CNBD1: variants seen among roughly 807,000 people sequenced by gnomAD.
CNBD1 encodes cyclic nucleotide-binding domain-containing protein 1.
CNBD1 carries 71 observed loss-of-function variants against 54.4 expected under a neutral mutation model. The ratio of observed to expected loss-of-function variants is 1.30; its 90% CI spans 1.08 to 1.59. The LOEUF (loss-of-function observed/expected upper bound fraction) is 1.59, where lower values mean the gene tolerates loss of function less well. Among genes scored for constraint, CNBD1 ranks in the 40% most tolerant of loss-of-function variants. The pLI, the probability that CNBD1 is intolerant of heterozygous loss-of-function variation, is 0.00. For synonymous variants in CNBD1, 182 were observed against 170.7 expected, an observed-to-expected ratio of 1.07 and a Z score of -0.51; for missense variants, 659 against 518.0, an observed-to-expected ratio of 1.27 and a Z score of -2.64.
intron 4 of CNBD1, among the ~76,000 whole-genome samples, chr8:86,999,345 C>A (rs1217405193): frequency 6.6e-6 from 1 of 152,128 alleles, no homozygotes; most frequent in African/African-American, 2.4e-5. Flanking sequence ...TCTTCTAGGG[C>A]TTCTGTGGGT....
chr8:87,115,764 C>G (rs1524840), intron 4 of CNBD1, among the ~76,000 whole-genome samples: 1 of 152,104 alleles, frequency 6.6e-6, no homozygotes, highest in Non-Finnish European at 1.5e-5. Context: ...TTCTGTACCT[C>G]GTATCTCTCG....
intron 10 of CNBD1, among the ~76,000 whole-genome samples, chr8:87,369,838 T>A (rs1460383733): frequency 1.3e-5 from 2 of 152,162 alleles, no homozygotes; most frequent in African/African-American, 4.8e-5. Flanking sequence ...AACTAGTCAT[T>A]TAGCATTAGG....
chr8:87,246,982 C>A (rs567714924), intron 6 of CNBD1, among the ~76,000 whole-genome samples: 3 of 152,008 alleles, frequency 2.0e-5, no homozygotes, highest in South Asian at 2.1e-4. Context: ...ACAGTGACAC[C>A]CGAATTATGT....
chr8:87,091,084 G>T (rs1011542742), intron 4 of CNBD1, among the ~76,000 whole-genome samples: 1 of 148,306 alleles, frequency 6.7e-6, no homozygotes, highest in African/African-American at 2.5e-5. Context: ...AGGTTGCAGT[G>T]AGGTGAGGTA....
At chr8:87,372,660 C>G (rs1810837485) in intron 10 of CNBD1, among the ~76,000 whole-genome samples, 1 of 151,634 alleles carries the variant, frequency 6.6e-6, no homozygotes, top group Non-Finnish European at 1.5e-5. Context: ...CTTTATTTGT[C>G]CACAAATAAG....
chr8:87,263,757 A>G (rs948449205), intron 6 of CNBD1, among the ~76,000 whole-genome samples: 1 of 152,154 alleles, frequency 6.6e-6, no homozygotes, highest in African/African-American at 2.4e-5. Flanking sequence ...CTTATACTCA[A>G]CATATAAATA....
intron 3 of CNBD1, among the ~76,000 whole-genome samples, chr8:86,920,192 G>A (rs750231238): frequency 6.6e-6 from 1 of 152,122 alleles, no homozygotes; most frequent in African/African-American, 2.4e-5. Flanking sequence ...GCAACCAATC[G>A]CATGTTGCAC....
chr8:87,225,314 C>T (rs1249249018), intron 5 of CNBD1, among the ~76,000 whole-genome samples: 1 of 150,486 alleles, frequency 6.6e-6, no homozygotes, highest in Non-Finnish European at 1.5e-5. Context: ...GCATCCCTGT[C>T]TTGTGCCAGT....
chr8:87,332,480 C>G (rs1352100460), intron 8 of CNBD1, among the ~76,000 whole-genome samples: 2 of 151,990 alleles, frequency 1.3e-5, no homozygotes, highest in East Asian at 3.9e-4. Flanking sequence ...ATGGTATTGC[C>G]TAGGTTTTCT....
At chr8:87,234,295 A>G (rs142709204) in intron 5 of CNBD1, among the ~76,000 whole-genome samples, 1 of 152,308 alleles carries the variant, frequency 6.6e-6, no homozygotes, top group East Asian at 1.9e-4. Context: ...GGCATCTAGA[A>G]TAATGAATCT....
chr8:87,104,748 T>C (rs1285608160), intron 4 of CNBD1, among the ~76,000 whole-genome samples: 1 of 152,226 alleles, frequency 6.6e-6, no homozygotes, highest in Non-Finnish European at 1.5e-5. Context: ...TATATTTATA[T>C]GACTTTTCAT....
intron 8 of CNBD1, among the ~76,000 whole-genome samples, chr8:87,334,672 T>C (rs535690656): frequency 2.2e-4 from 34 of 151,872 alleles, no homozygotes; most frequent in Non-Finnish European, 4.9e-4. Flanking sequence ...TTCTATGTAG[T>C]TGTGTGGTTT....
At chr8:87,237,176 C>G (rs1297828915) in intron 6 of CNBD1, 64 bp downstream of exon 6, 3 of 939,428 alleles carry the variant, frequency 3.2e-6, no homozygotes, top group Non-Finnish European at 4.8e-6. Context: ...AAAACTTTAT[C>G]TCTTCCAGAC....
chr8:87,024,422 C>T (rs1377234044), intron 4 of CNBD1, among the ~76,000 whole-genome samples: 1 of 151,610 alleles, frequency 6.6e-6, no homozygotes, highest in African/African-American at 2.4e-5. Flanking sequence ...TCACTGCAAC[C>T]TTTGCCTCCC....
intron 4 of CNBD1, among the ~76,000 whole-genome samples, chr8:86,949,147 C>T (rs965120273): frequency 6.6e-6 from 1 of 152,076 alleles, no homozygotes; most frequent in Non-Finnish European, 1.5e-5. Flanking sequence ...ATTTTGTTTA[C>T]TATAGCTCTG....
intron 8 of CNBD1, among the ~76,000 whole-genome samples, chr8:87,344,838 T>C (rs1417269139): frequency 1.3e-5 from 2 of 152,112 alleles, no homozygotes; most frequent in East Asian, 3.9e-4. Context: ...GCTTAAATAA[T>C]TGAACTGAAA....
chr8:87,062,921 T>C (rs186053468), intron 4 of CNBD1, among the ~76,000 whole-genome samples: 216 of 152,278 alleles, frequency 1.4e-3, no homozygotes, highest in African/African-American at 5.0e-3. Context: ...ATAATCATAG[T>C]ACAAGCCGTC....
At chr8:87,134,310 G>T (rs1470241139) in intron 4 of CNBD1, among the ~76,000 whole-genome samples, 1 of 152,064 alleles carries the variant, frequency 6.6e-6, no homozygotes, top group Admixed American at 6.6e-5. Context: ...GGAAAAGGGA[G>T]GAGATCAGTA....
chr8:87,272,726 A>G (rs1451334170), intron 6 of CNBD1, among the ~76,000 whole-genome samples: 2 of 151,978 alleles, frequency 1.3e-5, no homozygotes, highest in Non-Finnish European at 2.9e-5. Flanking sequence ...TTATAACTTC[A>G]ATAGCTAGTG....
Sources: gnomAD v4.1 joint callset for allele counts (sites outside exome capture counted in the v4.1 genomes callset) on GRCh38, gnomAD v4.1.1 for gene constraint, MANE v1.5 for transcripts, NCBI Gene and HGNC (gene_info 2026-07-23, HGNC 2026-07-21) for gene names.